The following DLG2 variants were observed in gnomAD, a reference collection of about 807,000 sequenced individuals.
DLG2 encodes discs large MAGUK scaffold protein 2, also known as disks large homolog 2.
DLG2 carries 45 observed loss-of-function variants against 132.5 expected under a neutral mutation model. That is an observed-to-expected ratio of 0.34 (90% CI 0.27 to 0.44). DLG2 has a LOEUF of 0.44. Ranked by LOEUF, DLG2 falls within the 20% of genes least tolerant of loss-of-function variation. The probability of loss-of-function intolerance (pLI) is 1.00; values close to 1 mark genes in which losing one functional copy is unlikely to be tolerated. For synonymous variants in DLG2, 424 were observed against 419.6 expected, an observed-to-expected ratio of 1.01 and a Z score of -0.13; for missense variants, 1,045 against 1,196.9, an observed-to-expected ratio of 0.87 and a Z score of 1.87.
At chr11:83,741,607 A>G (rs1204439937) in intron 18 of DLG2, among the ~76,000 whole-genome samples, 2 of 152,154 alleles carry the variant, frequency 1.3e-5, no homozygotes, top group African/African-American at 4.8e-5. Flanking sequence ...AGGAGGTGAA[A>G]TATCTCTAGA....
chr11:85,492,487 C>G (rs558705690), intron 3 of DLG2, among the ~76,000 whole-genome samples: 21 of 152,282 alleles, frequency 1.4e-4, no homozygotes, highest in African/African-American at 4.8e-4. Flanking sequence ...ATAGTCATGA[C>G]TAAGGTAACC....
chr11:85,579,406 AAGAG>A (rs1176414727), intron 3 of DLG2, among the ~76,000 whole-genome samples: 4 of 152,186 alleles, frequency 2.6e-5, no homozygotes, highest in African/African-American at 9.7e-5. Context: ...TTTAAAAAAA[AAGAG>A]AGAGACCTGA....
chr11:84,074,736 G>T (rs1034411627), intron 10 of DLG2, among the ~76,000 whole-genome samples: 20 of 151,852 alleles, frequency 1.3e-4, no homozygotes, highest in Admixed American at 7.9e-4. Flanking sequence ...CACCATGTTA[G>T]CCAGGATGGT....
At chr11:84,862,386 T>C (rs1438144561) in intron 6 of DLG2, among the ~76,000 whole-genome samples, 7 of 152,060 alleles carry the variant, frequency 4.6e-5, no homozygotes, top group Admixed American at 4.6e-4. Context: ...TGTAAATTAG[T>C]TCAACCGTTG....
At chr11:83,543,731 G>GTTA (rs1159988766) in intron 19 of DLG2, among the ~76,000 whole-genome samples, 1 of 152,100 alleles carries the variant, frequency 6.6e-6, no homozygotes, top group East Asian at 1.9e-4. Context: ...ATGAACTAAT[G>GTTA]TTATTATTAT....
At chr11:85,209,084 T>C (rs1029838492) in intron 4 of DLG2, among the ~76,000 whole-genome samples, 2 of 152,150 alleles carry the variant, frequency 1.3e-5, no homozygotes, top group African/African-American at 4.8e-5. Context: ...ATTCTAGTCC[T>C]AAATCTGCCA....
At position 84,367,226 on chromosome 11, in the gene DLG2, C is replaced by T. The variant is rs138659945; in HGVS notation, c.520-115935G>A. 1.4e-4 allele frequency among the ~76,000 whole-genome samples: 21 copies of T among 152,238 alleles called. No homozygotes were observed. The East Asian group carries it at 4.1e-3, about 29-fold the overall frequency. ...CTCAAATAATCTTCTAAGTCGAGGA[C>T]CAGCAAAGTTTTTCAACAGAGGAGG... is the stretch of plus-strand genomic sequence containing the variant. On this transcript the variant is annotated intron_variant, in intron 7 of 27. Transcript: ENST00000376104.
intron 7 of DLG2, among the ~76,000 whole-genome samples, chr11:84,515,252 G>A (rs529224653): frequency 1.3e-4 from 19 of 144,182 alleles, no homozygotes; most frequent in East Asian, 6.2e-4. Flanking sequence ...ACCAAATTAC[G>A]TAGATTGGCT....
At chr11:83,893,616 A>G (rs565839173) in intron 15 of DLG2, among the ~76,000 whole-genome samples, 11 of 152,258 alleles carry the variant, frequency 7.2e-5, no homozygotes, top group Admixed American at 5.2e-4. Flanking sequence ...ACATTTCTCC[A>G]TATCACTGAT....
At chr11:84,631,115 A>AT (rs11377925) in intron 6 of DLG2, among the ~76,000 whole-genome samples, 151,232 of 151,234 alleles carry the variant, frequency 1, 75,615 homozygotes, top group Middle Eastern at 1. Flanking sequence ...GTGTAGAAAA[A>AT]TGCTGTTGAA....
chr11:84,874,971 G>C (rs1184089230), intron 6 of DLG2, among the ~76,000 whole-genome samples: 2 of 143,912 alleles, frequency 1.4e-5, no homozygotes, highest in African/African-American at 5.2e-5. Context: ...AGTGAGTCGA[G>C]ATTGCACCAC....
At chr11:83,530,242 C>T (rs1041615111) in intron 21 of DLG2, among the ~76,000 whole-genome samples, 2 of 151,986 alleles carry the variant, frequency 1.3e-5, no homozygotes, top group Admixed American at 6.6e-5. Context: ...ATGTCACATA[C>T]CCTCACTTCT....
intron 6 of DLG2, among the ~76,000 whole-genome samples, chr11:84,600,690 A>T (rs1179643501): frequency 6.6e-6 from 1 of 152,182 alleles, no homozygotes; most frequent in Non-Finnish European, 1.5e-5. Flanking sequence ...TAGTGTCAAG[A>T]CCTCACTGCT....
At chr11:84,417,247 T>C (rs535024248) in intron 7 of DLG2, among the ~76,000 whole-genome samples, 2 of 152,206 alleles carry the variant, frequency 1.3e-5, no homozygotes, top group Non-Finnish European at 2.9e-5. Context: ...ACACTTATTA[T>C]ATGATCTATG....
intron 7 of DLG2, among the ~76,000 whole-genome samples, chr11:84,492,234 T>C (rs1030374508): frequency 2.0e-5 from 3 of 152,142 alleles, no homozygotes; most frequent in Admixed American, 1.3e-4. Flanking sequence ...TTCTGAAGAA[T>C]TTTTCTGCCA....
chr11:84,163,612 C>T (rs2095596899), intron 8 of DLG2, 101 bp from the exon 9 acceptor site: 1 of 878,676 alleles, frequency 1.1e-6, no homozygotes, highest in Non-Finnish European at 1.7e-6. Flanking sequence ...TTCATTCTAG[C>T]TATAAATAAC....
intron 3 of DLG2, among the ~76,000 whole-genome samples, chr11:85,419,340 C>G (rs1238268352): frequency 1.3e-5 from 2 of 152,182 alleles, no homozygotes; most frequent in African/African-American, 2.4e-5. Context: ...ACCTTTCTCT[C>G]TGGCTGCCCT....
intron 7 of DLG2, among the ~76,000 whole-genome samples, chr11:84,483,839 A>G (rs2099144219): frequency 1.3e-5 from 2 of 152,216 alleles, no homozygotes; most frequent in Middle Eastern, 3.2e-3. Context: ...TAAGGAAAGA[A>G]TATACCTATG....
intron 3 of DLG2, among the ~76,000 whole-genome samples, chr11:85,432,871 T>C (rs943235550): frequency 3.9e-5 from 6 of 152,080 alleles, no homozygotes; most frequent in Non-Finnish European, 5.9e-5. Context: ...AATCTTCAGA[T>C]TCCCCAAGCT....
Sources: allele counts gnomAD v4.1 joint callset (sites outside exome capture counted in the v4.1 genomes callset), GRCh38; gene constraint gnomAD v4.1.1; transcripts MANE v1.5; gene names NCBI Gene and HGNC (gene_info 2026-07-23, HGNC 2026-07-21).